Variants in DNAH5 observed in about 807,000 individuals in gnomAD.
The protein encoded by DNAH5 is dynein axonemal heavy chain 5.
Under a neutral mutation model 518.2 loss-of-function variants are expected in DNAH5, and 372 were observed. That is an observed-to-expected ratio of 0.72 (90% CI 0.66 to 0.78). The LOEUF (loss-of-function observed/expected upper bound fraction) is 0.78. Ranked by LOEUF, DNAH5 falls within the 30% of genes least tolerant of loss-of-function variation. The probability of loss-of-function intolerance (pLI) is 0.00; values close to 1 mark genes in which losing one functional copy is unlikely to be tolerated. For missense variants in DNAH5, 5,523 were observed against 5,687.0 expected (o/e 0.97, Z 0.93); for synonymous variants, 2,039 against 2,025.9 (o/e 1.01, Z -0.17).
intron 1 of DNAH5, among the ~76,000 whole-genome samples, chr5:13,960,880 G>A (rs563142997): frequency 1.2e-4 from 19 of 152,322 alleles, no homozygotes; most frequent in African/African-American, 4.3e-4. Flanking sequence ...TTTTGATATC[G>A]AGTATTGTGA....
rs1765086133 is a variant in DNAH5, at chr5:13,841,035, A to T, written c.5580T>A (p.Asn1860Lys). The T allele has an allele frequency of 6.2e-7, 1 of 1,614,156 alleles. No individual in the cohort carries two copies. Among genetic ancestry groups the T allele is most frequent in the African/African-American group, 1.3e-5 (1 of 75,058 alleles). ...TATTGAGTAGCTCCAGGAAAGCCTG[A>T]TTAGTTTTCTGCATGATTTTTTTAT... ...KFDKKIMQKT[N>K]QAFLELLNTL... is the part of the protein sequence containing the mutation. The change falls in exon 34 of 79, where the codon AAT becomes AAA. Residue 1860 changes from asparagine (N) to lysine (K), a missense_variant. Transcript: ENST00000265104.
chr5:13,820,857 A>T (rs1762155456), intron 40 of DNAH5, among the ~76,000 whole-genome samples: 1 of 150,454 alleles, frequency 6.6e-6, no homozygotes, highest in Admixed American at 6.6e-5. Context: ...CATCAATGAC[A>T]ATCTCAATTT....
intron 65 of DNAH5, among the ~76,000 whole-genome samples, chr5:13,748,715 T>C (rs1330958763): frequency 1.3e-5 from 2 of 152,170 alleles, no homozygotes; most frequent in Non-Finnish European, 2.9e-5. Flanking sequence ...CTTGTGATTT[T>C]TGCACATTGC....
Position 13,749,432 on chromosome 5 carries a change from A to G in DNAH5, c.11211+1646T>C, listed in dbSNP as rs562290238. Reference sequence around the variant, plus strand: ...ATACTGGCTTTTCAGGGCTGCTCCAAGTGTTTTCAAATGAGCTTAACAAGC... The same window carrying G: ...ATACTGGCTTTTCAGGGCTGCTCCAGGTGTTTTCAAATGAGCTTAACAAGC... On this transcript the variant is annotated intron_variant, in intron 65 of 78. Transcript: ENST00000265104. Among the ~76,000 whole-genome samples, 3 of 152,144 alleles carry G rather than the reference A, an allele frequency of 2.0e-5. No individual in the cohort carries two copies. In the South Asian group the frequency reaches 6.2e-4, roughly 31 times the overall value.
chr5:13,796,178 T>C (rs1034314273), intron 47 of DNAH5, among the ~76,000 whole-genome samples: 4 of 152,102 alleles, frequency 2.6e-5, no homozygotes, highest in African/African-American at 9.7e-5. Context: ...ATATTCAACA[T>C]AGTGTTGGAA....
chr5:13,769,845 A>C (rs1753086906), intron 56 of DNAH5, among the ~76,000 whole-genome samples: 1 of 152,252 alleles, frequency 6.6e-6, no homozygotes, highest in Non-Finnish European at 1.5e-5. Context: ...CTGCTAGAAC[A>C]CACGACATGA....
chr5:13,787,056 C>G lies in DNAH5; in HGVS notation c.8648-705G>C, dbSNP rs557482414. Reference sequence around the variant, plus strand: ...CCAACATGGTGAAACCCCATCTCTACTAAAATTACAGAAATTAGCTAGGCC... The same window carrying G: ...CCAACATGGTGAAACCCCATCTCTAGTAAAATTACAGAAATTAGCTAGGCC... On this transcript the variant is annotated intron_variant, in intron 51 of 78. Coordinates refer to ENST00000265104, the MANE Select transcript of DNAH5 (RefSeq NM_001369.3). Among the ~76,000 whole-genome samples the G allele has an allele frequency of 4.6e-5, 7 of 152,130 alleles. No homozygotes were observed. In the South Asian group the frequency reaches 1.5e-3, roughly 32 times the overall value.
chr5:13,979,321 T>G (rs1380685366), intron 1 of DNAH5, among the ~76,000 whole-genome samples: 5 of 152,202 alleles, frequency 3.3e-5, no homozygotes, highest in Admixed American at 6.5e-5. Context: ...ACCTTCTCCT[T>G]TCTTTCTTCC....
At chr5:13,964,791 G>C (rs1485795185) in intron 1 of DNAH5, among the ~76,000 whole-genome samples, 3 of 152,242 alleles carry the variant, frequency 2.0e-5, no homozygotes, top group Admixed American at 1.3e-4. Flanking sequence ...TACAGTATCT[G>C]AAGTAGGATC....
At chr5:13,818,199 TC>T (rs1406519767) in intron 41 of DNAH5, among the ~76,000 whole-genome samples, 14 of 152,266 alleles carry the variant, frequency 9.2e-5, no homozygotes, top group African/African-American at 3.4e-4. Flanking sequence ...AGAAATGTAT[TC>T]AAATCTTTCA....
intron 1 of DNAH5, among the ~76,000 whole-genome samples, chr5:13,933,403 A>G (rs1049604308): frequency 4.6e-5 from 7 of 152,230 alleles, no homozygotes; most frequent in Middle Eastern, 3.2e-3. Flanking sequence ...ATTTTCTAAC[A>G]AACATATTGA....
At chr5:13,877,183 C>G (rs1356727345) in intron 21 of DNAH5, among the ~76,000 whole-genome samples, 3 of 152,158 alleles carry the variant, frequency 2.0e-5, no homozygotes, top group African/African-American at 7.2e-5. Flanking sequence ...AGTAGCCTAG[C>G]AGTCCCTGGA....
intron 11 of DNAH5, among the ~76,000 whole-genome samples, chr5:13,911,715 A>G (rs377278123): frequency 2.6e-5 from 4 of 152,284 alleles, no homozygotes; most frequent in East Asian, 3.9e-4. Flanking sequence ...TATTTTCATG[A>G]TGTTTTATGT....
At chr5:13,832,309 T>C (rs761207726) in intron 35 of DNAH5, among the ~76,000 whole-genome samples, 9 of 152,204 alleles carry the variant, frequency 5.9e-5, no homozygotes, top group Non-Finnish European at 1.0e-4. Context: ...TTCAAACAGA[T>C]CAATCCTATT....
intron 12 of DNAH5, among the ~76,000 whole-genome samples, chr5:13,903,492 A>G (rs1294744844): frequency 6.6e-6 from 1 of 152,056 alleles, no homozygotes; most frequent in Non-Finnish European, 1.5e-5. Context: ...TCTGAACAAG[A>G]GAAATATGTT....
At chr5:13,848,800 GTGATGAGGAGCGGCTGTAAATACAAA>G (rs1378944783) in intron 31 of DNAH5, among the ~76,000 whole-genome samples, 1 of 152,212 alleles carries the variant, frequency 6.6e-6, no homozygotes, top group Non-Finnish European at 1.5e-5. Context: ...GATATTGCGA[GTGATGAGGAGCGGCTGTAAATACAAA>G]TGAACCTTCG....
chr5:13,807,732 T>G lies in DNAH5; in HGVS notation c.7753-7A>C. The G allele has an allele frequency of 6.3e-7, 1 of 1,599,920 alleles. No homozygotes were observed. The highest frequency in any genetic ancestry group is 8.5e-7 in the Non-Finnish European group (1 of 1,171,190). ...CACCAATTAATAGCACAGCCTAAAA[T>G]AGAGGGAATTGAAAAAAAAAGAAAT... On this transcript the variant is annotated splice_polypyrimidine_tract_variant and splice_region_variant and intron_variant, in intron 46 of 78. Coordinates refer to ENST00000265104, the MANE Select transcript of DNAH5 (RefSeq NM_001369.3).
At chr5:13,790,366 C>G (rs1756768474) in intron 50 of DNAH5, among the ~76,000 whole-genome samples, 2 of 152,098 alleles carry the variant, frequency 1.3e-5, no homozygotes, top group Non-Finnish European at 2.9e-5. Context: ...ACTATGCAGC[C>G]ATAAAAAAGA....
intron 75 of DNAH5, among the ~76,000 whole-genome samples, chr5:13,714,192 C>T (rs1195071013): frequency 6.6e-6 from 1 of 152,194 alleles, no homozygotes; most frequent in Non-Finnish European, 1.5e-5. Context: ...TTAACATTCT[C>T]AACAGGTTTC....
Sources: allele counts gnomAD v4.1 joint callset (sites outside exome capture counted in the v4.1 genomes callset), GRCh38; gene constraint gnomAD v4.1.1; transcripts MANE v1.5; gene names NCBI Gene and HGNC (gene_info 2026-07-23, HGNC 2026-07-21).